Variants in TBX3 observed in about 807,000 individuals in gnomAD.
TBX3 encodes the protein T-box transcription factor 3.
In TBX3, 11 loss-of-function variants were observed where a neutral mutation model predicts 47.8. The observed-to-expected ratio is 0.23, with a 90% CI of 0.14 to 0.38. The LOEUF is 0.38. Among genes scored for constraint, TBX3 ranks in the 10% least tolerant of loss-of-function variants. TBX3 has a pLI of 1.00. For missense variants in TBX3, 927 were observed against 1,022.8 expected (o/e 0.91, Z 1.28); for synonymous variants, 500 against 449.3 (o/e 1.11, Z -1.43).
Position 114,674,427 on chromosome 12 carries a change from A to G in TBX3, c.1448T>C (p.Phe483Ser). ...CTGTTGGCCCGCCAGGCCCGGGGCG[A>G]AGCCGAGGCCAGGCAGGGGGCCCTG... The part of the protein sequence containing the change: ...LAQGPLPGLG[F>S]APGLAGQQFF... Residue 483 changes from phenylalanine (F) to serine (S), a missense_variant, in exon 6 of 7, where the codon TTC becomes TCC. Transcript: ENST00000349155. The G allele has an allele frequency of 6.5e-7, 1 of 1,549,256 alleles. No homozygotes were observed. The highest frequency in any genetic ancestry group is 1.4e-5 in the African/African-American group (1 of 73,054).
In TBX3 at chr12:114,672,002, C is replaced by T; in HGVS notation, c.2011G>A (p.Glu671Lys). 1 of 1,599,188 alleles carries T rather than the reference C, an allele frequency of 6.3e-7. No homozygotes were observed. Among genetic ancestry groups the T allele is most frequent in the Non-Finnish European group, 8.5e-7 (1 of 1,173,130 alleles). Residue 671 changes from glutamate (E) to lysine (K), a missense_variant, in exon 7 of 7, where the codon GAA becomes AAA. Physicochemically the swap from Glu to Lys is moderately conservative, Grantham distance 56. Around this residue, in one of 5 missense-constraint regions of TBX3, gnomAD observed 623 missense variants for 569.0 expected, o/e 1.09. Transcript: ENST00000349155. ...AGCGTGGAGGAGCGGCTGTTGAGTT[C>T]AGAGCCCGAGTCCACTGCCACCGAG... Reference protein sequence around the residue: ...PASVAVDSGSELNSRSSTLSS... With the variant: ...PASVAVDSGSKLNSRSSTLSS...
At chr12:114,675,808 C>A (rs1038529492) in intron 5 of TBX3, among the ~76,000 whole-genome samples, 1 of 151,644 alleles carries the variant, frequency 6.6e-6, no homozygotes, top group African/African-American at 2.4e-5. Context: ...CCTCCTCTCC[C>A]AGGTCAATTG....
At chr12:114,673,379 A>G (rs1592847138) in intron 6 of TBX3, among the ~76,000 whole-genome samples, 1 of 152,218 alleles carries the variant, frequency 6.6e-6, no homozygotes, top group East Asian at 1.9e-4. Context: ...CAGCCGCCTG[A>G]GACCTCCCCC....
chr12:114,674,835 T>G lies in TBX3; in HGVS notation c.1040A>C (p.Asp347Ala). The G allele has an allele frequency of 6.4e-7, 1 of 1,567,672 alleles. No homozygotes were observed. The highest frequency in any genetic ancestry group is 8.6e-7 in the Non-Finnish European group (1 of 1,163,172). Residue 347 changes from aspartate (D) to alanine (A), a missense_variant and splice_region_variant, in exon 6 of 7, where the codon GAT becomes GCT. By Grantham distance (126) the Asp-to-Ala change is moderately radical. Coordinates refer to ENST00000349155, the MANE Select transcript of TBX3 (RefSeq NM_005996.4). The stretch of plus-strand genomic sequence containing the variant: ...GCTCTCACCCTCGCTGGGACATAAA[T>G]CTACCACAGGCGAAGGAAAAAACCA... ...ASTVGTSNLK[D>A]LCPSEGESDA...
At chr12:114,677,791 G>C in intron 3 of TBX3, 135 bp from the exon 4 acceptor site, 1 of 793,058 alleles carries the variant, frequency 1.3e-6, no homozygotes, top group East Asian at 2.6e-5. Flanking sequence ...AGGGAAAGGA[G>C]ATAATAAGGA....
At chr12:114,679,362 T>TC (rs1565861149) in intron 3 of TBX3, 143 bp downstream of exon 3, 3 of 1,176,042 alleles carry the variant, frequency 2.6e-6, no homozygotes, top group Non-Finnish European at 3.7e-6. Flanking sequence ...CATTGTCCTT[T>TC]CCCCCCAAAT....
rs1731720140 is a variant in TBX3, at chr12:114,683,291, A to G, written c.-91T>C. On this transcript the variant is annotated 5_prime_UTR_variant, in exon 1 of 7. An upstream start codon of the reference 5' UTR is lost. Coordinates refer to ENST00000349155, the MANE Select transcript of TBX3 (RefSeq NM_005996.4). The surrounding 1 kb of genome is among the most constrained non-coding windows in gnomAD (Gnocchi z 7.7). Reference sequence around the variant, plus strand: ...TTTTGTTGTTGTTTAACAGCAGCACATAATTCAAAAGGGGGGAAAAAGCAA... The same window carrying G: ...TTTTGTTGTTGTTTAACAGCAGCACGTAATTCAAAAGGGGGGAAAAAGCAA... 1 of 1,537,282 alleles carries G rather than the reference A, an allele frequency of 6.5e-7. No homozygotes were observed. Among genetic ancestry groups the G allele is most frequent in the Non-Finnish European group, 8.8e-7 (1 of 1,132,964 alleles).
At position 114,671,834 on chromosome 12, in the gene TBX3, G is replaced by A. The variant is rs763701750; in HGVS notation, c.*7C>T. Reference sequence around the variant, plus strand: ...GACTGGAATGAAAAGACGTGTCTGGGACGGGTCTACGGGGACGCGCTGCGG... The same window carrying A: ...GACTGGAATGAAAAGACGTGTCTGGAACGGGTCTACGGGGACGCGCTGCGG... On this transcript the variant is annotated 3_prime_UTR_variant, in exon 7 of 7. Transcript: ENST00000349155. The A allele has an allele frequency of 2.6e-6, 4 of 1,553,078 alleles. No individual in the cohort carries two copies. In the Admixed American group the frequency reaches 5.8e-5, roughly 23 times the overall value.
intron 1 of TBX3, 50 bp from the exon 2 acceptor site, chr12:114,681,196 T>C (rs1212519375): frequency 1.2e-5 from 20 of 1,608,290 alleles, no homozygotes; most frequent in South Asian, 1.1e-5. Flanking sequence ...CCACCCGTAA[T>C]CTTGGGTTTG....
At chr12:114,679,360 T>C (rs922998834) in intron 3 of TBX3, 145 bp downstream of exon 3, 20 of 1,169,968 alleles carry the variant, frequency 1.7e-5, no homozygotes, top group African/African-American at 3.1e-5. Context: ...GTCATTGTCC[T>C]TTCCCCCCAA....
In TBX3 at chr12:114,674,557, C is replaced by T. The variant is rs1440126149; in HGVS notation, c.1318G>A (p.Glu440Lys). 1 of 1,560,276 alleles carries T rather than the reference C, an allele frequency of 6.4e-7. No homozygotes were observed. Among genetic ancestry groups the T allele is most frequent in the Non-Finnish European group, 8.6e-7 (1 of 1,156,950 alleles). Residue 440 changes from glutamate to lysine, a missense_variant, in exon 6 of 7, where the codon GAG (glutamate) becomes AAG (lysine). Around this residue, in one of 5 missense-constraint regions of TBX3, gnomAD observed 623 missense variants for 569.0 expected, o/e 1.09. Coordinates refer to ENST00000349155, the MANE Select transcript of TBX3 (RefSeq NM_005996.4). ...GAEERRSPVR[E>K]GTAPAKVEEA... is the part of the protein sequence containing the mutation. ...TCCACCTTGGCCGGCGCTGTGCCCT[C>T]GCGAACCGGGCTCCTGCGCTCCTCC... is the stretch of plus-strand genomic sequence containing the variant.
chr12:114,684,071 G>GGGGAGAGA lies in TBX3; in HGVS notation c.-872_-871insTCTCTCCC, dbSNP rs1555208533. ...TGGAACAGAGGGAAAGAGAGGGAGG[G>GGGGAGAGA]GAGAGAGAGAGAGAGAGAGAGAGAC... On this transcript the variant is annotated 5_prime_UTR_variant, in exon 1 of 7. Coordinates refer to ENST00000349155, the MANE Select transcript of TBX3 (RefSeq NM_005996.4). The GGGGAGAGA allele has an allele frequency of 4.5e-6, 1 of 220,170 alleles. No individual in the cohort carries two copies. The highest frequency in any genetic ancestry group is 2.3e-5 in the African/African-American group (1 of 43,134). 13.6% of individuals were successfully genotyped at this position (220,170 alleles called of 1,614,324 possible). A position where few individuals can be genotyped will look rare whatever the true frequency, so the allele number is the denominator to read the frequency against.
Position 114,682,895 on chromosome 12 carries a change from G to A in TBX3, c.306C>T (p.Asp102=), listed in dbSNP as rs1869000367. The A allele has an allele frequency of 3.7e-6, 6 of 1,614,172 alleles. No homozygotes were observed. Among genetic ancestry groups the A allele is most frequent in the South Asian group, 3.3e-5 (3 of 91,076 alleles). Residue 102 remains aspartate (D), a synonymous_variant, in exon 1 of 7, where the codon GAC becomes GAT. Transcript: ENST00000349155. ...CTTTAGCCTCCAGGTGCACCTTGGG[G>A]TCGTCCTCCACCTCTTCTTCGGGCT... ...TMEPEEEVED[D]PKVHLEAKEL...
chr12:114,676,205 C>G, intron 5 of TBX3, 108 bp downstream of exon 5: 1 of 1,427,624 alleles, frequency 7.0e-7, no homozygotes, highest in Non-Finnish European at 9.7e-7. Context: ...GTTTAGAAGG[C>G]TTCTAGCTTT....
intron 6 of TBX3, 85 bp from the exon 7 acceptor site, chr12:114,672,387 A>C (rs1230316261): frequency 3.7e-6 from 4 of 1,092,548 alleles, no homozygotes; most frequent in Admixed American, 3.4e-5. Context: ...CCCCTCCAAC[A>C]TTGGGCAAGC....
chr12:114,676,522 CTT>C (rs777418511), intron 4 of TBX3, 52 bp from the exon 5 acceptor site: 217 of 1,610,168 alleles, frequency 1.3e-4, no homozygotes, highest in Non-Finnish European at 1.3e-4. Context: ...CATTTCCCCT[CTT>C]TGTTTCCCTT....
At position 114,683,380 on chromosome 12, in the gene TBX3, AGGG is replaced by A; in HGVS notation, c.-183_-181del. 1.2e-6 allele frequency: 1 copy of A among 830,854 alleles called. No homozygotes were observed. 51.5% of individuals were successfully genotyped at this position (830,854 alleles called of 1,614,324 possible). Reference sequence around the variant, plus strand: ...ACAACTAATGCACTTCAAAGGGAGGAGGGGAAGTGTCTTTTGGAGAATGGGAGG... The same window carrying A: ...ACAACTAATGCACTTCAAAGGGAGGAGAAGTGTCTTTTGGAGAATGGGAGG... On this transcript the variant is annotated 5_prime_UTR_variant, in exon 1 of 7. Transcript: ENST00000349155. This position sits in a 1 kb window ranked among gnomAD's most constrained non-coding sequence, Gnocchi z 7.7.
At chr12:114,677,848 T>C (rs139906364) in intron 3 of TBX3, among the ~76,000 whole-genome samples, 192 bp from the exon 4 acceptor site, 1 of 152,256 alleles carries the variant, frequency 6.6e-6, no homozygotes, top group East Asian at 1.9e-4. Flanking sequence ...AACCAGGGAT[T>C]TGGGGATGAA....
At chr12:114,673,792 G>A (rs902008035) in intron 6 of TBX3, among the ~76,000 whole-genome samples, 6 of 152,308 alleles carry the variant, frequency 3.9e-5, no homozygotes, top group East Asian at 1.9e-4. Context: ...ATCTCTGGGC[G>A]TCTTCGCCTT....
Sources: allele counts gnomAD v4.1 joint callset (sites outside exome capture counted in the v4.1 genomes callset), GRCh38; gene constraint gnomAD v4.1.1; regional missense constraint gnomAD v4.1.1; non-coding constraint Gnocchi (gnomAD v3.1); transcripts MANE v1.5; gene names NCBI Gene and HGNC (gene_info 2026-07-23, HGNC 2026-07-21).